DCAF8L2: variants seen among roughly 807,000 people sequenced by gnomAD.
DCAF8L2 encodes DDB1 and CUL4 associated factor 8 like 2.
For missense variants in DCAF8L2, 430 were observed against 490.7 expected (o/e 0.88, Z 1.17); for synonymous variants, 200 against 190.9 (o/e 1.05, Z -0.39).
the DCAF8L2 span, among the ~76,000 whole-genome samples, chrX:27,548,734 T>A: frequency 1.8e-5 from 2 of 112,116 alleles, no homozygotes; most frequent in Non-Finnish European, 3.8e-5. Context: ...TGTTTAACAT[T>A]CTGCTATAAA....
the DCAF8L2 span, among the ~76,000 whole-genome samples, chrX:27,532,973 A>C: frequency 9.7e-6 from 1 of 103,389 alleles, no homozygotes; most frequent in African/African-American, 3.5e-5. Flanking sequence ...GGTACTTGGG[A>C]GGCTGAGGCA....
At chrX:27,547,891 T>TCTTTCTCTC in the DCAF8L2 span, among the ~76,000 whole-genome samples, 55 of 57,151 alleles carry the variant, frequency 9.6e-4, 3 homozygotes, top group South Asian at 3.4e-3. Context: ...CTCTCTCTCT[T>TCTTTCTCTC]TCTCTCTCTC....
chrX:27,694,806 G>T (rs1930837042), intron 3 of DCAF8L2, among the ~76,000 whole-genome samples: 1 of 111,527 alleles, frequency 9.0e-6, no homozygotes. Flanking sequence ...CATTATTCTT[G>T]TCACACATCT....
At chrX:27,599,873 G>C (rs1209164427) in intron 1 of DCAF8L2, among the ~76,000 whole-genome samples, 1 of 111,993 alleles carries the variant, frequency 8.9e-6, no homozygotes, top group Non-Finnish European at 1.9e-5. Flanking sequence ...AAAACATGTT[G>C]TGTGCAATAA....
At position 27,624,038 on chromosome X, in the gene DCAF8L2, G is replaced by A. The variant is rs184261412; in HGVS notation, c.-341-7841G>A. Among the ~76,000 whole-genome samples the A allele has an allele frequency of 2.7e-5, 3 of 111,800 alleles. No homozygotes were observed. In the East Asian group the frequency reaches 8.4e-4, roughly 31 times the overall value. On this transcript the variant is annotated intron_variant, in intron 1 of 4. Transcript: ENST00000451261. ...TGGAATTATTTTCTAAGATTTACAG[G>A]TGAAGATATTGAAGCTCAGAGTACA...
rs191076451 is a variant in DCAF8L2 at position 27,682,397 on chromosome X, A to T, written c.-143+4485A>T. On this transcript the variant is annotated intron_variant, in intron 3 of 4. Transcript: ENST00000451261. The stretch of plus-strand genomic sequence containing the variant: ...GAATTTCTTATGAAATTAGGGAAGG[A>T]CAACACAAATATTGTAAAGGATATA... Among the ~76,000 whole-genome samples the T allele has an allele frequency of 5.3e-5, 6 of 112,229 alleles. No individual in the cohort carries two copies. In the Admixed American group the frequency reaches 5.7e-4, roughly 11 times the overall value.
intron 3 of DCAF8L2, among the ~76,000 whole-genome samples, chrX:27,692,247 TA>T (rs1364758499): frequency 1.8e-5 from 2 of 111,671 alleles, no homozygotes; most frequent in Non-Finnish European, 3.8e-5. Flanking sequence ...TTCTTGGAGA[TA>T]TGTACTTACA....
Position 27,747,841 on chromosome X carries a change from C to A in DCAF8L2, c.946C>A (p.Gln316Lys), listed in dbSNP as rs1022167335. ...TTTCAACAATACTAAGTGTGTGGCCCAGCACAGGGGACCTGCCCACAAGTT... is the reference window on the plus strand; with the variant it reads ...TTTCAACAATACTAAGTGTGTGGCCAAGCACAGGGGACCTGCCCACAAGTT... ...SYFNNTKCVA[Q>K]HRGPAHKLAL... The change falls in exon 5 of 5, where the codon CAG becomes AAG. Residue 316 changes from glutamine to lysine, a missense_variant. Transcript: ENST00000451261. 12 of 1,208,190 alleles carry A rather than the reference C, an allele frequency of 9.9e-6. No homozygotes were observed. The highest frequency in any genetic ancestry group is 3.0e-5 in the East Asian group (1 of 33,684).
chrX:27,627,853 C>T (rs1265213564), intron 1 of DCAF8L2, among the ~76,000 whole-genome samples: 1 of 108,105 alleles, frequency 9.3e-6, no homozygotes, highest in Non-Finnish European at 1.9e-5. Context: ...GAGATCGTGC[C>T]ACTGCACTCT....
At chrX:27,666,762 T>C (rs1485589548) in intron 2 of DCAF8L2, among the ~76,000 whole-genome samples, 1 of 112,267 alleles carries the variant, frequency 8.9e-6, no homozygotes, top group Non-Finnish European at 1.9e-5. Context: ...TGCCATCTTT[T>C]ATCTCTATGG....
At chrX:27,606,301 T>TAAATTATATATATATA (rs1377490408) in intron 1 of DCAF8L2, among the ~76,000 whole-genome samples, 1 of 78,842 alleles carries the variant, frequency 1.3e-5, no homozygotes, top group African/African-American at 5.3e-5. Flanking sequence ...TATATATATA[T>TAAATTATATATATATA]GAATTATATA....
At chrX:27,517,744 A>G in the DCAF8L2 span, 4 of 1,112,275 alleles carry the variant, frequency 3.6e-6, no homozygotes, top group Non-Finnish European at 2.5e-6. Context: ...TATGCAGAAC[A>G]TATATGCAAA....
intron 4 of DCAF8L2, among the ~76,000 whole-genome samples, chrX:27,722,214 A>T (rs1323024410): frequency 8.9e-6 from 1 of 111,919 alleles, no homozygotes; most frequent in African/African-American, 3.2e-5. Context: ...TTTTTAAAAG[A>T]AAACAAAATA....
chrX:27,643,449 G>C (rs1236001671), intron 2 of DCAF8L2, among the ~76,000 whole-genome samples: 1 of 111,592 alleles, frequency 9.0e-6, no homozygotes, highest in Non-Finnish European at 1.9e-5. Context: ...TGAGAAAAAA[G>C]TTAATCTGTG....
chrX:27,646,247 A>C (rs1293333090), intron 2 of DCAF8L2, among the ~76,000 whole-genome samples: 1 of 111,497 alleles, frequency 9.0e-6, no homozygotes, highest in Non-Finnish European at 1.9e-5. Flanking sequence ...TAGAGAATCC[A>C]GAAATAAGCC....
chrX:27,678,940 G>A (rs56760214), intron 3 of DCAF8L2, among the ~76,000 whole-genome samples: 10,316 of 111,308 alleles, frequency 0.093, 1,158 homozygotes, highest in African/African-American at 0.32. Context: ...TTTATGACAA[G>A]TGAAGTCATG....
the DCAF8L2 span, among the ~76,000 whole-genome samples, chrX:27,556,825 G>A: frequency 2.7e-5 from 3 of 112,009 alleles, no homozygotes; most frequent in African/African-American, 9.7e-5. Context: ...CAGGTCATCC[G>A]TGCTTTTCAC....
intron 1 of DCAF8L2, among the ~76,000 whole-genome samples, chrX:27,630,979 C>A (rs1480519929): frequency 1.8e-5 from 2 of 111,530 alleles, no homozygotes; most frequent in Non-Finnish European, 3.8e-5. Context: ...AAACACCACT[C>A]TTTCAAATAC....
At chrX:27,577,186 TC>T in the DCAF8L2 span, among the ~76,000 whole-genome samples, 14 of 111,892 alleles carry the variant, frequency 1.3e-4, no homozygotes, top group Non-Finnish European at 2.6e-4. Context: ...CCAGCAGATA[TC>T]CTCCCTGTGG....
Sources: allele counts gnomAD v4.1 joint callset (sites outside exome capture counted in the v4.1 genomes callset), GRCh38; gene constraint gnomAD v4.1.1; transcripts MANE v1.5; gene names NCBI Gene and HGNC (gene_info 2026-07-23, HGNC 2026-07-21).